The following ITGAL variants were observed in gnomAD, a reference collection of about 807,000 sequenced individuals.
The protein encoded by ITGAL is integrin alpha-L.
A neutral mutation model predicts 138.4 loss-of-function variants in ITGAL; 68 were observed. The observed-to-expected ratio is 0.49, with a 90% CI of 0.40 to 0.60. ITGAL has a LOEUF of 0.60. Ranked by LOEUF, ITGAL falls within the 20% of genes least tolerant of loss-of-function variation. The probability of loss-of-function intolerance (pLI) is 0.00; values close to 1 mark genes in which losing one functional copy is unlikely to be tolerated. For missense variants in ITGAL, 1,256 were observed against 1,478.6 expected (o/e 0.85, Z 2.47); for synonymous variants, 561 against 584.3 (o/e 0.96, Z 0.57).
At chr16:30,475,657 T>G (rs984953324) in intron 4 of ITGAL, 77 bp downstream of exon 4, 16 of 1,186,946 alleles carry the variant, frequency 1.3e-5, no homozygotes, top group Non-Finnish European at 1.9e-5. Context: ...AGAAGAAGAA[T>G]GTGGATAAAA....
chr16:30,498,834 G>A (rs951560378), intron 15 of ITGAL: 17 of 405,408 alleles, frequency 4.2e-5, no homozygotes, highest in Non-Finnish European at 5.4e-5. Context: ...CTGGGAGGCC[G>A]AGGCTGTAGT....
chr16:30,494,980 G>C lies in ITGAL; in HGVS notation c.1503+130G>C. On this transcript the variant is annotated intron_variant, in intron 13 of 30. Coordinates refer to ENST00000356798, the MANE Select transcript of ITGAL (RefSeq NM_002209.3). The surrounding 1 kb of genome is among the most constrained non-coding windows in gnomAD (Gnocchi z 4.2). ...CTTTTAGAACGACAGAGAGGCAATA[G>C]CAAATCCTCACTGGGGAAAGACTGT... The C allele has an allele frequency of 1.1e-6, 1 of 946,448 alleles. No homozygotes were observed. The highest frequency in any genetic ancestry group is 1.5e-6 in the Non-Finnish European group (1 of 645,832). 58.6% of individuals were successfully genotyped at this position (946,448 alleles called of 1,614,324 possible). A position where few individuals can be genotyped will look rare whatever the true frequency, so the allele number is the denominator to read the frequency against.
intron 15 of ITGAL, among the ~76,000 whole-genome samples, chr16:30,498,337 C>T (rs1261427247): frequency 2.0e-5 from 3 of 151,408 alleles, no homozygotes; most frequent in Non-Finnish European, 4.4e-5. Flanking sequence ...GAGTCTGAGA[C>T]AAGAGGATCG....
chr16:30,494,791 G>T lies in ITGAL; in HGVS notation c.1444G>T (p.Ala482Ser). ...DGETELLLIG[A>S]PLFYGEQRGG... ...GGAGACAGAGCTGCTGCTGATTGGT[G>T]CCCCACTGTTCTATGGGGAGCAGAG... is the stretch of plus-strand genomic sequence containing the variant. The change falls in exon 13 of 31, where the codon GCC becomes TCC. Residue 482 changes from alanine to serine, a missense_variant. By Grantham distance (99) the Ala-to-Ser change is moderately conservative. This residue lies in a region of ITGAL where 867 missense variants were observed against 972.5 expected (regional missense o/e 0.89). Transcript: ENST00000356798. The surrounding 1 kb of genome is among the most constrained non-coding windows in gnomAD (Gnocchi z 4.2). 1 of 1,613,346 alleles carries T rather than the reference G, an allele frequency of 6.2e-7. No homozygotes were observed. Among genetic ancestry groups the T allele is most frequent in the Non-Finnish European group, 8.5e-7 (1 of 1,179,480 alleles).
chr16:30,503,972 A>G (rs919324654), intron 17 of ITGAL: 2 of 466,664 alleles, frequency 4.3e-6, no homozygotes, highest in Non-Finnish European at 3.9e-6. Flanking sequence ...ACCGGGGCTC[A>G]GGGATGATAA....
chr16:30,494,507 A>G lies in ITGAL; in HGVS notation c.1365+144A>G. The stretch of plus-strand genomic sequence containing the variant: ...CACATTTATCCCTCATAACACACAG[A>G]GGTAAGCCCTGTCATCTCCCTCTCT... On this transcript the variant is annotated intron_variant, in intron 12 of 30. Transcript: ENST00000356798. This position sits in a 1 kb window ranked among gnomAD's most constrained non-coding sequence, Gnocchi z 4.2. 9.0e-7 allele frequency: 1 copy of G among 1,106,700 alleles called. No homozygotes were observed. Among genetic ancestry groups the G allele is most frequent in the Non-Finnish European group, 1.3e-6 (1 of 791,062 alleles). 68.6% of individuals were successfully genotyped at this position (1,106,700 alleles called of 1,614,324 possible).
intron 6 of ITGAL, 107 bp downstream of exon 6, chr16:30,479,568 G>T: frequency 6.2e-6 from 7 of 1,138,072 alleles, no homozygotes; most frequent in South Asian, 1.5e-5. Flanking sequence ...GAGCCTATGG[G>T]CATGGCTATA....
At chr16:30,498,263 C>CAAAAA (rs762799726) in intron 15 of ITGAL, among the ~76,000 whole-genome samples, 2 of 118,072 alleles carry the variant, frequency 1.7e-5, no homozygotes, top group African/African-American at 3.1e-5. Context: ...AGGAGGATCT[C>CAAAAA]AAAAAAAAAA....
Position 30,494,281 on chromosome 16 carries a change from A to T in ITGAL, c.1283A>T (p.Gln428Leu). Residue 428 changes from glutamine (Q) to leucine (L), a missense_variant, in exon 12 of 31, where the codon CAG (glutamine) becomes CTG (leucine). By Grantham distance (113) the Gln-to-Leu change is moderately radical (BLOSUM62 -2). This residue lies in a region of ITGAL where 867 missense variants were observed against 972.5 expected (regional missense o/e 0.89). Coordinates refer to ENST00000356798, the MANE Select transcript of ITGAL (RefSeq NM_002209.3). This position sits in a 1 kb window ranked among gnomAD's most constrained non-coding sequence, Gnocchi z 4.2. Reference protein sequence around the residue: ...SLLASGAPRYQHMGRVLLFQE... With the variant: ...SLLASGAPRYLHMGRVLLFQE... ...CTGGCCTCGGGAGCCCCTCGATACC[A>T]GCACATGGGCCGAGTGCTGCTGTTC... 1 of 1,613,536 alleles carries T rather than the reference A, an allele frequency of 6.2e-7. No individual in the cohort carries two copies. Among genetic ancestry groups the T allele is most frequent in the South Asian group, 1.1e-5 (1 of 91,050 alleles).
chr16:30,521,546 C>T lies in ITGAL; in HGVS notation c.3394C>T (p.Pro1132Ser), dbSNP rs1028308425. 4 of 1,614,168 alleles carry T rather than the reference C, an allele frequency of 2.5e-6. No homozygotes were observed. Among genetic ancestry groups the T allele is most frequent in the Non-Finnish European group, 3.4e-6 (4 of 1,180,024 alleles). The change falls in exon 31 of 31, where the codon CCG becomes TCG. Residue 1132 changes from proline (P) to serine (S), a missense_variant. Coordinates refer to ENST00000356798, the MANE Select transcript of ITGAL (RefSeq NM_002209.3). ...KEKMEAGRGV[P>S]NGIPAEDSEQ... is the part of the protein sequence containing the mutation. ...GAAGATGGAGGCTGGCAGAGGTGTC[C>T]CGAATGGAATCCCTGCAGAAGACTC...
At chr16:30,505,184 G>T in intron 18 of ITGAL, 60 bp from the exon 19 acceptor site, 1 of 1,462,030 alleles carries the variant, frequency 6.8e-7, no homozygotes, top group South Asian at 1.4e-5. Context: ...TCTCCTTCAT[G>T]AGGTCTGCTG....
chr16:30,503,249 A>G (rs2050932519), intron 17 of ITGAL, among the ~76,000 whole-genome samples: 1 of 152,132 alleles, frequency 6.6e-6, no homozygotes, highest in Non-Finnish European at 1.5e-5. Context: ...ACCTCTACTC[A>G]GTGCCCCTCT....
At chr16:30,499,016 T>G (rs949208259) in intron 15 of ITGAL, 58 bp from the exon 16 acceptor site, 25 of 1,557,660 alleles carry the variant, frequency 1.6e-5, no homozygotes, top group Non-Finnish European at 2.2e-5. Flanking sequence ...GCCCCACATC[T>G]GAGGGGGGAC....
At chr16:30,484,024 T>C in intron 8 of ITGAL, 65 bp downstream of exon 8, 1 of 1,594,848 alleles carries the variant, frequency 6.3e-7, no homozygotes, top group South Asian at 1.1e-5. Context: ...CAAGCCCCTT[T>C]CTCCCTGGGG....
intron 25 of ITGAL, among the ~76,000 whole-genome samples, chr16:30,514,365 C>T (rs2051136005): frequency 6.6e-6 from 1 of 152,096 alleles, no homozygotes. Context: ...CAACCTCCGC[C>T]TCCTGAGTTC....
At chr16:30,474,351 C>A (rs1390192472) in intron 2 of ITGAL, 53 bp downstream of exon 2, 2 of 1,353,404 alleles carry the variant, frequency 1.5e-6, no homozygotes, top group Admixed American at 4.0e-5. Flanking sequence ...GGGCAGCCCC[C>A]GAGGCGGTGG....
At chr16:30,481,314 C>T (rs779166738) in intron 6 of ITGAL, 125 bp from the exon 7 acceptor site, 1 of 781,022 alleles carries the variant, frequency 1.3e-6, no homozygotes, top group Non-Finnish European at 1.9e-6. Context: ...CCAGTGCACT[C>T]CAGCCTGGGC....
chr16:30,475,463 C>A (rs2050456978), intron 3 of ITGAL, 50 bp from the exon 4 acceptor site: 2 of 1,594,850 alleles, frequency 1.3e-6, no homozygotes, highest in African/African-American at 1.3e-5. Context: ...CTGGCCCCAG[C>A]CCACCTAGAC....
chr16:30,512,758 T>C (rs2051108107), intron 24 of ITGAL, among the ~76,000 whole-genome samples: 2 of 151,936 alleles, frequency 1.3e-5, no homozygotes, highest in Admixed American at 6.6e-5. Context: ...TGGAGTGCAG[T>C]TGCACAATCT....
Sources: gnomAD v4.1 joint callset for allele counts (sites outside exome capture counted in the v4.1 genomes callset) on GRCh38, gnomAD v4.1.1 for gene constraint, gnomAD v4.1.1 regional missense constraint, Gnocchi (gnomAD v3.1) non-coding constraint, MANE v1.5 for transcripts, NCBI Gene and HGNC (gene_info 2026-07-23, HGNC 2026-07-21) for gene names.